The following SLC39A8 variants were observed in gnomAD, a reference collection of about 807,000 sequenced individuals.
SLC39A8 encodes solute carrier family 39 member 8.
Under a neutral mutation model 40.4 loss-of-function variants are expected in SLC39A8, and 15 were observed. That is an observed-to-expected ratio of 0.37 (90% confidence interval 0.25 to 0.57). The LOEUF (loss-of-function observed/expected upper bound fraction) is 0.57, where lower values mean the gene tolerates loss of function less well. Among genes scored for constraint, SLC39A8 ranks in the 20% least tolerant of loss-of-function variants. The pLI is 0.75. For missense variants in SLC39A8, 472 were observed against 558.8 expected, an observed-to-expected ratio of 0.84 and a Z score of 1.57; for synonymous variants, 223 against 221.6, an observed-to-expected ratio of 1.01 and a Z score of -0.06.
intron 4 of SLC39A8, 120 bp from the exon 5 acceptor site, chr4:102,305,231 T>C (rs376706169): frequency 5.6e-6 from 6 of 1,071,994 alleles, no homozygotes; most frequent in South Asian, 1.7e-5. Flanking sequence ...CCAAGTAATA[T>C]TGGAAACTTA....
intron 8 of SLC39A8, among the ~76,000 whole-genome samples, chr4:102,265,802 G>A (rs747117924): frequency 1.3e-5 from 2 of 152,150 alleles, no homozygotes; most frequent in Admixed American, 6.5e-5. Flanking sequence ...CAATCAGTGG[G>A]ATGGAATTTA....
At chr4:102,313,335 T>A (rs1734526318) in intron 3 of SLC39A8, among the ~76,000 whole-genome samples, 1 of 152,142 alleles carries the variant, frequency 6.6e-6, no homozygotes, top group Non-Finnish European at 1.5e-5. Context: ...AATTAATATA[T>A]GAATATGTAA....
intron 6 of SLC39A8, among the ~76,000 whole-genome samples, chr4:102,277,424 A>G (rs1404140812): frequency 2.6e-5 from 4 of 152,196 alleles, no homozygotes; most frequent in Non-Finnish European, 5.9e-5. Context: ...TAGGAATACA[A>G]CTTACAAGGG....
chr4:102,326,482 AC>A (rs1389219002), intron 2 of SLC39A8, among the ~76,000 whole-genome samples: 1 of 152,136 alleles, frequency 6.6e-6, no homozygotes, highest in Non-Finnish European at 1.5e-5. Flanking sequence ...AATGGGGTGC[AC>A]CCAGGAGGCA....
chr4:102,329,192 A>G (rs1383545334), intron 2 of SLC39A8, among the ~76,000 whole-genome samples: 2 of 152,192 alleles, frequency 1.3e-5, no homozygotes, highest in Non-Finnish European at 2.9e-5. Context: ...TGAAGGAAAA[A>G]GTAGAAATAA....
chr4:102,263,257 T>G (rs1731949503), intron 8 of SLC39A8, 64 bp from the exon 9 acceptor site: 1 of 1,412,458 alleles, frequency 7.1e-7, no homozygotes, highest in African/African-American at 1.4e-5. Flanking sequence ...AAACAGTCAC[T>G]TAGAGGCATA....
Position 102,312,946 on chromosome 4 carries a change from C to T in SLC39A8, c.382+2722G>A, listed in dbSNP as rs113203100. Among the ~76,000 whole-genome samples, 112 of 152,152 alleles carry T rather than the reference C, an allele frequency of 7.4e-4. 1 individual carries two copies. Among genetic ancestry groups the T allele is most frequent in the African/African-American group, 2.5e-3 (103 of 41,524 alleles). ...ATTAGTCAAGGGTAGTATCCTAAAG[C>T]GTTTGCTGAATTTACTTTTTAATGT... On this transcript the variant is annotated intron_variant, in intron 3 of 8. Transcript: ENST00000356736.
intron 2 of SLC39A8, among the ~76,000 whole-genome samples, chr4:102,322,312 A>G (rs1170793852): frequency 6.6e-6 from 1 of 152,210 alleles, no homozygotes; most frequent in East Asian, 1.9e-4. Context: ...CCTAAAGCTG[A>G]TGTGCACCCT....
intron 6 of SLC39A8, among the ~76,000 whole-genome samples, chr4:102,273,589 A>G (rs1435746937): frequency 6.6e-6 from 1 of 152,212 alleles, no homozygotes; most frequent in Non-Finnish European, 1.5e-5. Flanking sequence ...ATAGTGCTCG[A>G]GCTCTGCTAA....
intron 2 of SLC39A8, among the ~76,000 whole-genome samples, chr4:102,320,445 T>C (rs1734907082): frequency 9.7e-6 from 1 of 103,460 alleles, no homozygotes; most frequent in African/African-American, 3.7e-5. Context: ...TGAGAATATA[T>C]ATATGAGAGT....
chr4:102,292,326 T>C (rs1240149461), intron 6 of SLC39A8, among the ~76,000 whole-genome samples: 6 of 152,120 alleles, frequency 3.9e-5, no homozygotes, highest in Admixed American at 3.9e-4. Flanking sequence ...GCAATTATTA[T>C]TTGTCAATTT....
intron 11 of SLC39A8, among the ~76,000 whole-genome samples, chr4:102,255,229 G>A (rs1578547961): frequency 6.6e-6 from 1 of 152,134 alleles, no homozygotes; most frequent in African/African-American, 2.4e-5. Context: ...TTTAACTGCT[G>A]TATTAATTAG....
intron 2 of SLC39A8, among the ~76,000 whole-genome samples, chr4:102,327,820 A>G (rs180978313): frequency 2.2e-3 from 342 of 152,360 alleles, no homozygotes; most frequent in Non-Finnish European, 3.4e-3. Flanking sequence ...GTGTTTGAAT[A>G]TAATTCTGAG....
chr4:102,344,757 T>C lies in SLC39A8; in HGVS notation c.-95A>G. ...GCGTCCTTGCCCAAGGGCGGGAGCGTCAGTGCTCGGCGCTGCTCCGAGTCA... is the reference window on the plus strand; with the variant it reads ...GCGTCCTTGCCCAAGGGCGGGAGCGCCAGTGCTCGGCGCTGCTCCGAGTCA... On this transcript the variant is annotated 5_prime_UTR_variant, in exon 2 of 9. An upstream open reading frame in the 5' UTR loses its in-frame stop. Coordinates refer to ENST00000356736, the MANE Select transcript of SLC39A8 (RefSeq NM_001135146.2). The C allele has an allele frequency of 7.4e-7, 1 of 1,356,250 alleles. No individual in the cohort carries two copies. The highest frequency in any genetic ancestry group is 1.5e-5 in the African/African-American group (1 of 64,864). 84.0% of individuals were successfully genotyped at this position (1,356,250 alleles called of 1,614,324 possible). A position where few individuals can be genotyped will look rare whatever the true frequency, so the allele number is the denominator to read the frequency against.
chr4:102,304,978 A>G lies in SLC39A8; in HGVS notation c.675+11T>C. Reference sequence around the variant, plus strand: ...GTAAAATATTGGATGTTTTAAATAAAGTCCATTTACCTGACCATATGTCTT... The same window carrying G: ...GTAAAATATTGGATGTTTTAAATAAGGTCCATTTACCTGACCATATGTCTT... On this transcript the variant is annotated intron_variant, in intron 5 of 8. Coordinates refer to ENST00000356736, the MANE Select transcript of SLC39A8 (RefSeq NM_001135146.2). 6.3e-7 allele frequency: 1 copy of G among 1,587,022 alleles called. No homozygotes were observed. The highest frequency in any genetic ancestry group is 8.6e-7 in the Non-Finnish European group (1 of 1,164,764).
chr4:102,279,557 C>G (rs1732781618), intron 6 of SLC39A8, among the ~76,000 whole-genome samples: 1 of 152,048 alleles, frequency 6.6e-6, no homozygotes, highest in Admixed American at 6.6e-5. Context: ...TTTCAATTGC[C>G]CTAACTGGAA....
At chr4:102,300,171 C>A (rs1032331988) in intron 6 of SLC39A8, among the ~76,000 whole-genome samples, 2 of 152,028 alleles carry the variant, frequency 1.3e-5, no homozygotes, top group Non-Finnish European at 2.9e-5. Flanking sequence ...GACTGTTGTG[C>A]CTCACACTTA....
At chr4:102,273,914 A>G (rs973795256) in intron 6 of SLC39A8, among the ~76,000 whole-genome samples, 2 of 152,224 alleles carry the variant, frequency 1.3e-5, no homozygotes, top group Non-Finnish European at 2.9e-5. Context: ...ATCAACAAAA[A>G]GAACGGCCAC....
At chr4:102,331,804 G>T (rs375991989) in intron 2 of SLC39A8, among the ~76,000 whole-genome samples, 1 of 152,166 alleles carries the variant, frequency 6.6e-6, no homozygotes, top group Admixed American at 6.5e-5. Flanking sequence ...CATAGTACTG[G>T]TACCACAACA....
Sources: gnomAD v4.1 joint callset for allele counts (sites outside exome capture counted in the v4.1 genomes callset) on GRCh38, gnomAD v4.1.1 for gene constraint, MANE v1.5 for transcripts, NCBI Gene and HGNC (gene_info 2026-07-23, HGNC 2026-07-21) for gene names.